GPHN: variants seen among roughly 807,000 people sequenced by gnomAD.
GPHN encodes the protein gephyrin.
Under a neutral mutation model 95.5 loss-of-function variants are expected in GPHN, and 17 were observed. That is an observed-to-expected ratio of 0.18 (90% CI 0.12 to 0.27). The LOEUF (loss-of-function observed/expected upper bound fraction) is 0.27. Ranked by LOEUF, GPHN falls within the 10% of genes least tolerant of loss-of-function variation. GPHN has a pLI of 1.00. For synonymous variants in GPHN, 320 were observed against 322.5 expected (o/e 0.99, Z 0.08); for missense variants, 660 against 978.1 (o/e 0.67, Z 4.34).
chr14:67,649,494 T>A, the GPHN span: 1 of 152,070 alleles, frequency 6.6e-6, no homozygotes, highest in Non-Finnish European at 1.5e-5. Context: ...GTGGCAATAG[T>A]CTGGAAACAT....
At chr14:66,659,080 A>AT (rs2065478273) in intron 1 of GPHN, among the ~76,000 whole-genome samples, 1 of 151,734 alleles carries the variant, frequency 6.6e-6, no homozygotes, top group Admixed American at 6.6e-5. Context: ...TTATTGCTAT[A>AT]TTGTCCGTAT....
intron 10 of GPHN, among the ~76,000 whole-genome samples, chr14:67,028,118 A>C (rs995970840): frequency 1.3e-5 from 2 of 152,192 alleles, no homozygotes; most frequent in African/African-American, 4.8e-5. Context: ...ATTAATGAGA[A>C]CTTGCAACAT....
chr14:67,036,188 T>C (rs1450531665), intron 10 of GPHN, among the ~76,000 whole-genome samples: 1 of 151,602 alleles, frequency 6.6e-6, no homozygotes, highest in Non-Finnish European at 1.5e-5. Flanking sequence ...TTTCGTGATA[T>C]AACAATCAGC....
the GPHN span, chr14:67,387,193 ACT>A: frequency 1.2e-5 from 9 of 763,138 alleles, no homozygotes; most frequent in Non-Finnish European, 1.8e-5. Context: ...AATCTGAGGA[ACT>A]CTTGGCAGCA....
chr14:66,581,028 T>C (rs192610425), intron 1 of GPHN, among the ~76,000 whole-genome samples: 56 of 151,914 alleles, frequency 3.7e-4, no homozygotes, highest in Non-Finnish European at 5.3e-4. Context: ...TTGATAAATG[T>C]CATACATTAA....
chr14:66,514,650 AAATAG>A (rs2058169444), intron 1 of GPHN, among the ~76,000 whole-genome samples: 1 of 152,104 alleles, frequency 6.6e-6, no homozygotes. Flanking sequence ...AGAGAATAAG[AAATAG>A]AATAATGATC....
chr14:67,610,815 G>A, the GPHN span, among the ~76,000 whole-genome samples: 2 of 152,042 alleles, frequency 1.3e-5, no homozygotes, highest in African/African-American at 2.4e-5. Context: ...AAAAACCCTA[G>A]CCTCCAAATT....
chr14:67,034,740 A>T (rs961479587), intron 10 of GPHN, among the ~76,000 whole-genome samples: 4 of 152,172 alleles, frequency 2.6e-5, no homozygotes, highest in Non-Finnish European at 4.4e-5. Flanking sequence ...TATAACAATT[A>T]TAAATTAAAA....
intron 3 of GPHN, among the ~76,000 whole-genome samples, chr14:66,814,646 A>C (rs2060893475): frequency 6.6e-6 from 1 of 152,224 alleles, no homozygotes; most frequent in South Asian, 2.1e-4. Context: ...ATAGGATAAA[A>C]GAAAAAAAAT....
the GPHN span, among the ~76,000 whole-genome samples, chr14:67,226,963 T>C: frequency 6.6e-6 from 1 of 152,210 alleles, no homozygotes; most frequent in Non-Finnish European, 1.5e-5. Context: ...TCTTTCAATA[T>C]AATATAGAAT....
chr14:66,562,790 G>T (rs977046710), intron 1 of GPHN, among the ~76,000 whole-genome samples: 2 of 152,076 alleles, frequency 1.3e-5, no homozygotes, highest in Admixed American at 6.6e-5. Context: ...ATTGTCTTTG[G>T]TGATAAAGTA....
the GPHN span, among the ~76,000 whole-genome samples, chr14:67,404,151 C>A: frequency 6.6e-6 from 1 of 152,106 alleles, no homozygotes; most frequent in South Asian, 2.1e-4. Context: ...GAAAAATAAT[C>A]TAAATATATA....
At chr14:67,246,305 A>G in the GPHN span, among the ~76,000 whole-genome samples, 1 of 150,520 alleles carries the variant, frequency 6.6e-6, no homozygotes, top group Non-Finnish European at 1.5e-5. Flanking sequence ...TTTTAAATTT[A>G]TTTGTAGAGA....
chr14:66,786,177 T>G (rs547832699), intron 3 of GPHN, among the ~76,000 whole-genome samples: 17 of 152,214 alleles, frequency 1.1e-4, no homozygotes, highest in African/African-American at 4.1e-4. Context: ...AAGGGCACAA[T>G]CACCAATGTC....
intron 2 of GPHN, among the ~76,000 whole-genome samples, chr14:66,753,522 A>T (rs62705861): frequency 2.6e-4 from 38 of 147,626 alleles, no homozygotes; most frequent in East Asian, 1.4e-3. Flanking sequence ...AAAAAAAAAA[A>T]TTTTAAAGAA....
At chr14:66,937,352 G>A (rs1210423467) in intron 8 of GPHN, among the ~76,000 whole-genome samples, 1 of 151,498 alleles carries the variant, frequency 6.6e-6, no homozygotes, top group African/African-American at 2.4e-5. Context: ...GATCTCATTA[G>A]GTTTGGGCTG....
the GPHN span, among the ~76,000 whole-genome samples, chr14:67,620,264 G>C: frequency 7.0e-6 from 1 of 143,828 alleles, no homozygotes; most frequent in Admixed American, 6.9e-5. Context: ...GATATCCTCC[G>C]ACAGAGAATG....
intron 18 of GPHN, among the ~76,000 whole-genome samples, chr14:67,153,800 T>G (rs2081422158): frequency 6.6e-6 from 1 of 152,176 alleles, no homozygotes; most frequent in South Asian, 2.1e-4. Context: ...CCATTCATTT[T>G]TCTTCTTCTC....
At chr14:66,531,904 G>A (rs983917784) in intron 1 of GPHN, among the ~76,000 whole-genome samples, 1 of 152,178 alleles carries the variant, frequency 6.6e-6, no homozygotes, top group Non-Finnish European at 1.5e-5. Flanking sequence ...TTTGTGAGCT[G>A]TATATGATTT....
Sources: gnomAD v4.1 joint callset for allele counts (sites outside exome capture counted in the v4.1 genomes callset) on GRCh38, gnomAD v4.1.1 for gene constraint, MANE v1.5 for transcripts, NCBI Gene and HGNC (gene_info 2026-07-23, HGNC 2026-07-21) for gene names.